Variants in METTL25 observed in about 807,000 individuals in gnomAD.
The protein encoded by METTL25 is methyltransferase like 25.
In METTL25, 64 loss-of-function variants were observed where a neutral mutation model predicts 71.6. That is an observed-to-expected ratio of 0.89 (90% CI 0.73 to 1.10). The LOEUF (loss-of-function observed/expected upper bound fraction) is 1.10. Among genes scored for constraint, METTL25 ranks in the 50% least tolerant of loss-of-function variants. The pLI, the probability that METTL25 is intolerant of heterozygous loss-of-function variation, is 0.00. For missense variants in METTL25, 807 were observed against 707.0 expected, an observed-to-expected ratio of 1.14 and a Z score of -1.60; for synonymous variants, 287 against 250.3, an observed-to-expected ratio of 1.15 and a Z score of -1.38.
intron 5 of METTL25, among the ~76,000 whole-genome samples, chr12:82,410,192 A>G (rs945419734): frequency 6.6e-6 from 1 of 152,112 alleles, no homozygotes; most frequent in Non-Finnish European, 1.5e-5. Context: ...CGTCATATCA[A>G]ATATTCTATA....
intron 1 of METTL25, among the ~76,000 whole-genome samples, chr12:82,372,447 T>C (rs1429768679): frequency 6.6e-6 from 1 of 152,188 alleles, no homozygotes; most frequent in African/African-American, 2.4e-5. Flanking sequence ...GAGGTCCTCC[T>C]GTGAGATGTA....
At chr12:82,451,190 C>G (rs1222058801) in intron 8 of METTL25, 2 of 462,580 alleles carry the variant, frequency 4.3e-6, no homozygotes, top group East Asian at 3.1e-4. Context: ...TGTGAAAATA[C>G]CTGGGAAGAA....
intron 9 of METTL25, among the ~76,000 whole-genome samples, chr12:82,466,537 ATG>A (rs1404455403): frequency 6.6e-6 from 1 of 151,982 alleles, no homozygotes; most frequent in African/African-American, 2.4e-5. Context: ...TGAATATTCC[ATG>A]TACTGATGAA....
intron 5 of METTL25, 143 bp downstream of exon 5, chr12:82,403,273 T>C (rs1886804441): frequency 2.7e-6 from 2 of 741,548 alleles, no homozygotes; most frequent in African/African-American, 1.8e-5. Context: ...ACTTGCACTT[T>C]TAGTGTTACG....
intron 8 of METTL25, among the ~76,000 whole-genome samples, chr12:82,452,996 C>T (rs1201892104): frequency 6.6e-6 from 1 of 152,102 alleles, no homozygotes; most frequent in East Asian, 1.9e-4. Flanking sequence ...CACTATCGTG[C>T]ATATACAACA....
chr12:82,430,945 G>A lies in METTL25; in HGVS notation c.1332G>A (p.Glu444=). The change falls in exon 6 of 12, where the codon GAG becomes GAA. Residue 444 remains glutamate, a synonymous_variant. Transcript: ENST00000248306. The part of the protein sequence containing the change: ...GFPMCHYLKE[E]RWCCGRNARM... ...CAATGTGCCACTATTTAAAGGAAGAGAGATGGTGCTGTGGTCGTAATGCCA... is the reference window on the plus strand; with the variant it reads ...CAATGTGCCACTATTTAAAGGAAGAAAGATGGTGCTGTGGTCGTAATGCCA... 1 of 1,603,124 alleles carries A rather than the reference G, an allele frequency of 6.2e-7. No individual in the cohort carries two copies. Among genetic ancestry groups the A allele is most frequent in the Non-Finnish European group, 8.5e-7 (1 of 1,173,504 alleles).
chr12:82,402,130 T>C (rs1208631431), intron 4 of METTL25, among the ~76,000 whole-genome samples: 4 of 152,030 alleles, frequency 2.6e-5, no homozygotes, highest in Non-Finnish European at 5.9e-5. Flanking sequence ...TTTGGATAAT[T>C]AGAATAAACA....
chr12:82,456,568 T>C (rs2137254795), intron 8 of METTL25, among the ~76,000 whole-genome samples, 159 bp from the exon 9 acceptor site: 1 of 152,138 alleles, frequency 6.6e-6, no homozygotes, highest in Non-Finnish European at 1.5e-5. Context: ...TTATAACATG[T>C]AACTTTAAAA....
At chr12:82,369,324 G>A (rs1882935422) in intron 1 of METTL25, 1 of 312,830 alleles carries the variant, frequency 3.2e-6, no homozygotes, top group Non-Finnish European at 6.3e-6. Flanking sequence ...GTAGGATATA[G>A]TAAGTGACAC....
chr12:82,362,681 C>A (rs1320052871), intron 1 of METTL25, among the ~76,000 whole-genome samples: 4 of 151,998 alleles, frequency 2.6e-5, no homozygotes, highest in Non-Finnish European at 4.4e-5. Flanking sequence ...GATGTGATAC[C>A]GTGTGATTTA....
Position 82,399,993 on chromosome 12 carries a change from A to AT in METTL25, c.1131+608dup, listed in dbSNP as rs1001386690. 1.1e-4 allele frequency among the ~76,000 whole-genome samples: 17 copies of AT among 150,880 alleles called. No individual in the cohort carries two copies. The East Asian group carries it at 2.5e-3, about 23-fold the overall frequency. ...CTTTTGGAGTTGTATTACCCTTGTA[A>AT]TTTTTTTTTCTTTTTAAAGAAATTC... On this transcript the variant is annotated intron_variant, in intron 4 of 11. Coordinates refer to ENST00000248306, the MANE Select transcript of METTL25 (RefSeq NM_032230.3).
intron 5 of METTL25, chr12:82,407,671 T>C (rs1428951658): frequency 9.5e-6 from 2 of 211,640 alleles, no homozygotes; most frequent in South Asian, 1.7e-4. Flanking sequence ...CTGAGTGATA[T>C]GATGAAATGG....
At chr12:82,434,211 T>C (rs1889742898) in intron 6 of METTL25, among the ~76,000 whole-genome samples, 1 of 151,430 alleles carries the variant, frequency 6.6e-6, no homozygotes. Context: ...TTTTCCAAAA[T>C]AAGTTTTTAA....
intron 7 of METTL25, among the ~76,000 whole-genome samples, chr12:82,436,320 G>GTA (rs887144543): frequency 6.6e-6 from 1 of 151,328 alleles, no homozygotes; most frequent in Admixed American, 6.6e-5. Context: ...TGCTTTAAGG[G>GTA]TATACACTTT....
intron 5 of METTL25, among the ~76,000 whole-genome samples, chr12:82,413,105 A>G (rs536793851): frequency 2.0e-5 from 3 of 152,180 alleles, no homozygotes; most frequent in South Asian, 4.1e-4. Flanking sequence ...TGGCCTTCCT[A>G]TAAATCATTA....
intron 5 of METTL25, among the ~76,000 whole-genome samples, chr12:82,422,042 T>A (rs1888557517): frequency 6.6e-6 from 1 of 152,156 alleles, no homozygotes; most frequent in Admixed American, 6.6e-5. Context: ...TCCTAACTCA[T>A]TTTATGAGGC....
At chr12:82,453,412 T>C (rs1395851267) in intron 8 of METTL25, among the ~76,000 whole-genome samples, 1 of 152,148 alleles carries the variant, frequency 6.6e-6, no homozygotes, top group Non-Finnish European at 1.5e-5. Flanking sequence ...AGTAGTATGC[T>C]GGAAGTAATA....
In METTL25 at chr12:82,441,806, A is replaced by AACACACACACACACACACACAC. The variant is rs57098687; in HGVS notation, c.1478+3021_1478+3042dup. 2.5e-3 allele frequency among the ~76,000 whole-genome samples: 330 copies of AACACACACACACACACACACAC among 133,974 alleles called. 1 individual carries two copies. Among genetic ancestry groups the AACACACACACACACACACACAC allele is most frequent in the Non-Finnish European group, 3.2e-3 (209 of 64,376 alleles). 87.9% of individuals were successfully genotyped at this position (133,974 alleles called of 152,430 possible). On this transcript the variant is annotated intron_variant, in intron 8 of 11. Transcript: ENST00000248306. Reference sequence around the variant, plus strand: ...TATAGCAAAAAAAAAAAAAAATAGAAACACACACACACACACACACACACA... The same window carrying AACACACACACACACACACACAC: ...TATAGCAAAAAAAAAAAAAAATAGAAACACACACACACACACACACACACACACACACACACACACACACACA...
At chr12:82,372,205 A>G (rs1040611941) in intron 1 of METTL25, among the ~76,000 whole-genome samples, 5 of 152,158 alleles carry the variant, frequency 3.3e-5, no homozygotes, top group African/African-American at 1.2e-4. Flanking sequence ...ATGCTTCCCC[A>G]GGTCTGCCTT....
Sources: allele counts gnomAD v4.1 joint callset (sites outside exome capture counted in the v4.1 genomes callset), GRCh38; gene constraint gnomAD v4.1.1; transcripts MANE v1.5; gene names NCBI Gene and HGNC (gene_info 2026-07-23, HGNC 2026-07-21).